The following ANKFN1 variants were observed in gnomAD, a reference collection of about 807,000 sequenced individuals.
ANKFN1 encodes the protein ankyrin repeat and fibronectin type-III domain-containing protein 1.
Under a neutral mutation model 108.7 loss-of-function variants are expected in ANKFN1, and 74 were observed. The observed-to-expected ratio is 0.68, with a 90% CI of 0.56 to 0.83. The LOEUF is 0.83. ANKFN1 is among the 40% of genes least tolerant of loss of function. ANKFN1 has a pLI of 0.00. For missense variants in ANKFN1, 1,505 were observed against 1,382.3 expected, an observed-to-expected ratio of 1.09 and a Z score of -1.41; for synonymous variants, 547 against 516.2, an observed-to-expected ratio of 1.06 and a Z score of -0.81.
intron 14 of ANKFN1, among the ~76,000 whole-genome samples, chr17:56,459,992 T>G (rs572364872): frequency 6.6e-6 from 1 of 152,110 alleles, no homozygotes; most frequent in South Asian, 2.1e-4. Context: ...TTCATATTAT[T>G]TATTTGGAAA....
chr17:56,440,506 G>A (rs961010272), intron 9 of ANKFN1, 82 bp downstream of exon 9: 2 of 1,120,454 alleles, frequency 1.8e-6, no homozygotes, highest in Non-Finnish European at 2.6e-6. Context: ...TATTCTGAAA[G>A]CAACAGCCAA....
intron 4 of ANKFN1, among the ~76,000 whole-genome samples, chr17:56,134,027 C>G (rs961196050): frequency 1.3e-5 from 2 of 152,158 alleles, no homozygotes; most frequent in Admixed American, 6.5e-5. Context: ...GTTACCTATA[C>G]TATACAAGTA....
At chr17:56,209,093 T>C (rs1343942102) in intron 1 of ANKFN1, among the ~76,000 whole-genome samples, 1 of 152,090 alleles carries the variant, frequency 6.6e-6, no homozygotes, top group East Asian at 1.9e-4. Context: ...AATAACAACA[T>C]TTTTCCTAAA....
chr17:56,280,449 G>C (rs2044050036), intron 3 of ANKFN1, among the ~76,000 whole-genome samples: 1 of 152,098 alleles, frequency 6.6e-6, no homozygotes, highest in Admixed American at 6.5e-5. Flanking sequence ...ATTTACACCA[G>C]AATGACCCTG....
At chr17:56,431,276 G>T (rs1005044117) in intron 8 of ANKFN1, among the ~76,000 whole-genome samples, 1 of 152,132 alleles carries the variant, frequency 6.6e-6, no homozygotes, top group African/African-American at 2.4e-5. Flanking sequence ...TACTGACCTA[G>T]CCCATCTTTC....
intron 4 of ANKFN1, among the ~76,000 whole-genome samples, chr17:56,055,799 A>G (rs1304058753): frequency 6.6e-6 from 1 of 151,312 alleles, no homozygotes; most frequent in Non-Finnish European, 1.5e-5. Flanking sequence ...AGAAATCTCT[A>G]TACTGTTTTC....
chr17:56,144,854 C>T (rs967654425), intron 4 of ANKFN1, among the ~76,000 whole-genome samples: 5 of 152,172 alleles, frequency 3.3e-5, no homozygotes, highest in Admixed American at 6.5e-5. Context: ...TGCTTTCCAT[C>T]GCCTCATTTT....
chr17:56,466,231 A>G, intron 14 of ANKFN1, 125 bp from the exon 15 acceptor site: 1 of 680,488 alleles, frequency 1.5e-6, no homozygotes, highest in Non-Finnish European at 2.3e-6. Flanking sequence ...TTTAAGTGCA[A>G]AAAAAAAAAA....
chr17:56,165,777 A>G (rs1002384231), intron 1 of ANKFN1, among the ~76,000 whole-genome samples: 1 of 152,158 alleles, frequency 6.6e-6, no homozygotes, highest in Non-Finnish European at 1.5e-5. Context: ...GTTCTTTTCA[A>G]CATCACTTTC....
In ANKFN1 at chr17:56,514,920, C is replaced by T. The variant is rs2051873654; in HGVS notation, c.*3651C>T. 6.6e-6 allele frequency among the ~76,000 whole-genome samples: 1 copy of T among 152,138 alleles called. No individual in the cohort carries two copies. The highest frequency in any genetic ancestry group is 2.4e-5 in the African/African-American group (1 of 41,436). On this transcript the variant is annotated 3_prime_UTR_variant, in exon 21 of 21. Transcript: ENST00000682825. Reference sequence around the variant, plus strand: ...CCTCGTTCATTGTTATCCTGCCACACAAATGTGCGCCCTGGTGAGTTTGGA... The same window carrying T: ...CCTCGTTCATTGTTATCCTGCCACATAAATGTGCGCCCTGGTGAGTTTGGA...
At chr17:56,331,199 C>T (rs186658826) in intron 4 of ANKFN1, among the ~76,000 whole-genome samples, 3 of 152,258 alleles carry the variant, frequency 2.0e-5, no homozygotes, top group African/African-American at 4.8e-5. Context: ...TTTGCAGCTG[C>T]TAATTCCATA....
chr17:56,089,894 C>T (rs1351769346), intron 4 of ANKFN1, among the ~76,000 whole-genome samples: 1 of 151,172 alleles, frequency 6.6e-6, no homozygotes, highest in African/African-American at 2.4e-5. Flanking sequence ...GTACTTGGCA[C>T]GTATTGGCTG....
At chr17:56,273,273 A>T (rs1353035415) in intron 3 of ANKFN1, among the ~76,000 whole-genome samples, 1 of 152,144 alleles carries the variant, frequency 6.6e-6, no homozygotes, top group Non-Finnish European at 1.5e-5. Flanking sequence ...GCTCTTTGTA[A>T]ATACCTTTAT....
intron 4 of ANKFN1, among the ~76,000 whole-genome samples, chr17:56,337,051 A>G (rs1014635918): frequency 1.3e-5 from 2 of 152,150 alleles, no homozygotes; most frequent in African/African-American, 4.8e-5. Flanking sequence ...CTTAATCCTG[A>G]GTTCTAATTT....
At chr17:56,328,338 C>A (rs2045577160) in intron 4 of ANKFN1, among the ~76,000 whole-genome samples, 1 of 152,138 alleles carries the variant, frequency 6.6e-6, no homozygotes, top group Non-Finnish European at 1.5e-5. Flanking sequence ...TTGCACCCCC[C>A]AAAATTTGTC....
intron 3 of ANKFN1, among the ~76,000 whole-genome samples, chr17:56,309,391 T>C (rs62073054): frequency 0.12 from 18,008 of 152,210 alleles, 1,191 homozygotes; most frequent in African/African-American, 0.19. Context: ...CAGTTGGTAA[T>C]GACATCTCCA....
At chr17:56,436,572 C>T (rs2048936875) in intron 8 of ANKFN1, among the ~76,000 whole-genome samples, 1 of 151,984 alleles carries the variant, frequency 6.6e-6, no homozygotes, top group African/African-American at 2.4e-5. Context: ...GCCTATAATC[C>T]CAACATTTTG....
chr17:56,168,503 A>C (rs1910363421), intron 1 of ANKFN1, among the ~76,000 whole-genome samples: 1 of 152,216 alleles, frequency 6.6e-6, no homozygotes, highest in Non-Finnish European at 1.5e-5. Flanking sequence ...AAATAATTTA[A>C]ATAAGAAATT....
At chr17:56,248,722 C>T (rs1400960451) in intron 3 of ANKFN1, among the ~76,000 whole-genome samples, 2 of 152,122 alleles carry the variant, frequency 1.3e-5, no homozygotes, top group African/African-American at 4.8e-5. Flanking sequence ...TGCTTCTAGG[C>T]TCTGAGAATT....
Sources: allele counts gnomAD v4.1 joint callset (sites outside exome capture counted in the v4.1 genomes callset), GRCh38; gene constraint gnomAD v4.1.1; transcripts MANE v1.5; gene names NCBI Gene and HGNC (gene_info 2026-07-23, HGNC 2026-07-21).